The following AVL9 variants were observed in gnomAD, a reference collection of about 807,000 sequenced individuals.
AVL9 encodes AVL9 cell migration associated.
In AVL9, 49 loss-of-function variants were observed where a neutral mutation model predicts 79.2. That is an observed-to-expected ratio of 0.62 (90% CI 0.49 to 0.79). The LOEUF is 0.79. Ranked by LOEUF, AVL9 falls within the 30% of genes least tolerant of loss-of-function variation. The probability of loss-of-function intolerance (pLI) is 0.00; values close to 1 mark genes in which losing one functional copy is unlikely to be tolerated. For synonymous variants in AVL9, 299 were observed against 280.6 expected (o/e 1.07, Z -0.65); for missense variants, 682 against 776.8 (o/e 0.88, Z 1.45).
chr7:32,584,604 T>C lies in AVL9; in HGVS notation c.*697T>C, dbSNP rs1419160553. 1.3e-5 allele frequency: 2 copies of C among 152,448 alleles called. No homozygotes were observed. Among genetic ancestry groups the C allele is most frequent in the African/African-American group, 4.8e-5 (2 of 41,410 alleles). 9.4% of individuals were successfully genotyped at this position (152,448 alleles called of 1,614,324 possible). ...CTGTGCAGGTGGGTGTGCAGAGAAA[T>C]AGCAGAGTGATGGTTCGATGATACT... is the stretch of plus-strand genomic sequence containing the variant. On this transcript the variant is annotated 3_prime_UTR_variant, in exon 16 of 16. Coordinates refer to ENST00000318709, the MANE Select transcript of AVL9 (RefSeq NM_015060.3).
At chr7:32,509,307 A>C (rs192026087) in intron 1 of AVL9, among the ~76,000 whole-genome samples, 1 of 152,134 alleles carries the variant, frequency 6.6e-6, no homozygotes, top group African/African-American at 2.4e-5. Context: ...AACCAGACCC[A>C]AAAAAACACA....
intron 1 of AVL9, among the ~76,000 whole-genome samples, chr7:32,514,706 G>A (rs7812030): frequency 0.36 from 55,086 of 151,954 alleles, 10,540 homozygotes; most frequent in African/African-American, 0.47. Flanking sequence ...TCCTGGCTCA[G>A]AAACCTTCCT....
Position 32,586,472 on chromosome 7 carries a change from C to CACACACA in AVL9, c.*2565_*2566insACACACA, listed in dbSNP as rs1554350211. ...CCCCTGGTCCTGTGACCCCCCCCCC[C>CACACACA]CACACACACACATACTTCAGGCTTG... On this transcript the variant is annotated 3_prime_UTR_variant, in exon 16 of 16. Coordinates refer to ENST00000318709, the MANE Select transcript of AVL9 (RefSeq NM_015060.3). 1 of 142,958 alleles carries CACACACA rather than the reference C, an allele frequency of 7.0e-6. No individual in the cohort carries two copies. The highest frequency in any genetic ancestry group is 1.6e-5 in the Non-Finnish European group (1 of 64,306). The allele number at this position is 142,958 out of a possible 1,614,324, so 8.9% of individuals were successfully genotyped here. A position where few individuals can be genotyped will look rare whatever the true frequency, so the allele number is the denominator to read the frequency against.
intron 4 of AVL9, 118 bp from the exon 5 acceptor site, chr7:32,551,216 C>T: frequency 1.5e-6 from 1 of 669,856 alleles, no homozygotes; most frequent in Non-Finnish European, 2.6e-6. Context: ...TTGATAGTTA[C>T]TAACTTTTTT....
At chr7:32,569,380 C>T (rs773650001) in intron 10 of AVL9, among the ~76,000 whole-genome samples, 8 of 152,134 alleles carry the variant, frequency 5.3e-5, no homozygotes, top group Non-Finnish European at 1.2e-4. Context: ...TTTTTCTATA[C>T]TTAGATGCCT....
At chr7:32,564,853 G>A (rs1790486018) in intron 10 of AVL9, among the ~76,000 whole-genome samples, 1 of 152,178 alleles carries the variant, frequency 6.6e-6, no homozygotes, top group African/African-American at 2.4e-5. Flanking sequence ...CACTGAAGGA[G>A]AAGTACGAAA....
intron 10 of AVL9, among the ~76,000 whole-genome samples, chr7:32,568,803 A>G (rs1253654881): frequency 6.6e-6 from 1 of 152,172 alleles, no homozygotes; most frequent in Non-Finnish European, 1.5e-5. Context: ...TGTTATTATT[A>G]TGAAATATAA....
chr7:32,580,506 G>A (rs902960345), intron 14 of AVL9, among the ~76,000 whole-genome samples: 3 of 152,168 alleles, frequency 2.0e-5, no homozygotes, highest in Admixed American at 6.5e-5. Context: ...TTATTTTGGT[G>A]AAGTGCTTTT....
chr7:32,579,809 G>T (rs1791421430), intron 13 of AVL9, among the ~76,000 whole-genome samples: 1 of 149,368 alleles, frequency 6.7e-6, no homozygotes, highest in South Asian at 2.1e-4. Context: ...ACATTTATAA[G>T]ATGGCCAGGA....
In AVL9 at chr7:32,580,786, CT is replaced by C; in HGVS notation, c.1743-14del. On this transcript the variant is annotated splice_polypyrimidine_tract_variant and intron_variant, in intron 14 of 15. Coordinates refer to ENST00000318709, the MANE Select transcript of AVL9 (RefSeq NM_015060.3). ...AAATTGTACCTAACACTTCTTTTATCTTATCTTTTACCCAGTTCTGTTCAGA... is the reference window on the plus strand; with the variant it reads ...AAATTGTACCTAACACTTCTTTTATCTATCTTTTACCCAGTTCTGTTCAGA... 1 of 1,602,258 alleles carries C rather than the reference CT, an allele frequency of 6.2e-7. No homozygotes were observed. The highest frequency in any genetic ancestry group is 8.5e-7 in the Non-Finnish European group (1 of 1,170,612).
chr7:32,555,604 TCACA>T (rs1421890309), intron 8 of AVL9, among the ~76,000 whole-genome samples: 1 of 152,238 alleles, frequency 6.6e-6, no homozygotes, highest in Non-Finnish European at 1.5e-5. Context: ...ATGGCTGCTT[TCACA>T]CTGTAGTGGC....
chr7:32,510,235 C>G (rs192833946), intron 1 of AVL9, among the ~76,000 whole-genome samples: 99 of 151,498 alleles, frequency 6.5e-4, no homozygotes, highest in African/African-American at 2.2e-3. Flanking sequence ...CTGTGGGAGT[C>G]CACAGTCCTG....
intron 13 of AVL9, among the ~76,000 whole-genome samples, chr7:32,579,557 TTATATTATATATTATATTA>T (rs1260719340): frequency 0.047 from 127 of 2,706 alleles, 39 homozygotes; most frequent in South Asian, 0.27. Context: ...ATATTATATA[TTATATTATATATTATATTA>T]TATATTATAT....
intron 5 of AVL9, 118 bp from the exon 6 acceptor site, chr7:32,552,111 T>C (rs771311232): frequency 1.6e-6 from 1 of 640,058 alleles, no homozygotes; most frequent in Non-Finnish European, 2.8e-6. Context: ...TTTTTAAATT[T>C]AGCGCCTAGC....
chr7:32,552,471 G>A (rs1201831508), intron 6 of AVL9, among the ~76,000 whole-genome samples, 176 bp downstream of exon 6: 1 of 150,964 alleles, frequency 6.6e-6, no homozygotes. Flanking sequence ...ACTGAGAAGA[G>A]TATTAGAACA....
At chr7:32,544,411 T>G (rs1032759634) in intron 2 of AVL9, among the ~76,000 whole-genome samples, 4 of 152,212 alleles carry the variant, frequency 2.6e-5, no homozygotes, top group Non-Finnish European at 1.5e-5. Context: ...TTTCTTTTCA[T>G]CTAGAACGAT....
At chr7:32,572,662 C>T (rs1790907424) in intron 11 of AVL9, among the ~76,000 whole-genome samples, 1 of 150,252 alleles carries the variant, frequency 6.7e-6, no homozygotes, top group African/African-American at 2.5e-5. Flanking sequence ...ATTAGCCGGG[C>T]GTGGTGGTGG....
At chr7:32,497,078 T>G (rs1171382923) in intron 1 of AVL9, among the ~76,000 whole-genome samples, 1 of 149,378 alleles carries the variant, frequency 6.7e-6, no homozygotes, top group Non-Finnish European at 1.5e-5. Context: ...CCAGCCTGGG[T>G]GAGAGAGCAA....
In AVL9 at chr7:32,551,428, C is replaced by A. The variant is rs1407351554; in HGVS notation, c.462+5C>A. The A allele has an allele frequency of 1.3e-6, 2 of 1,493,522 alleles. No individual in the cohort carries two copies. Among genetic ancestry groups the A allele is most frequent in the African/African-American group, 1.4e-5 (1 of 72,424 alleles). The allele number at this position is 1,493,522 out of a possible 1,614,324, so 92.5% of individuals were successfully genotyped here. ...TCCCAAATTTCTATTCTAAAGGTAA[C>A]TTTATACCCCTCTATAGATGTGTTT... On this transcript the variant is annotated splice_donor_5th_base_variant and intron_variant, in intron 5 of 15. Coordinates refer to ENST00000318709, the MANE Select transcript of AVL9 (RefSeq NM_015060.3).
Sources: allele counts gnomAD v4.1 joint callset (sites outside exome capture counted in the v4.1 genomes callset), GRCh38; gene constraint gnomAD v4.1.1; transcripts MANE v1.5; gene names NCBI Gene and HGNC (gene_info 2026-07-23, HGNC 2026-07-21).